Variants in AFAP1L2 observed in about 807,000 individuals in gnomAD.
AFAP1L2 encodes the protein actin filament associated protein 1 like 2.
AFAP1L2 carries 46 observed loss-of-function variants against 99.3 expected under a neutral mutation model. The observed-to-expected ratio is 0.46, with a 90% confidence interval of 0.37 to 0.59. The LOEUF (loss-of-function observed/expected upper bound fraction) is 0.59. AFAP1L2 is among the 20% of genes least tolerant of loss of function. The pLI, the probability that AFAP1L2 is intolerant of heterozygous loss-of-function variation, is 0.00. For missense variants in AFAP1L2, 959 were observed against 1,034.9 expected, an observed-to-expected ratio of 0.93 and a Z score of 1.01; for synonymous variants, 397 against 419.1, an observed-to-expected ratio of 0.95 and a Z score of 0.64.
At chr10:114,364,320 A>C (rs933155351) in intron 1 of AFAP1L2, among the ~76,000 whole-genome samples, 2 of 152,196 alleles carry the variant, frequency 1.3e-5, no homozygotes, top group Non-Finnish European at 2.9e-5. Context: ...TTAAAACAAC[A>C]GATGTTTATT....
intron 2 of AFAP1L2, among the ~76,000 whole-genome samples, chr10:114,338,514 G>C (rs2048320861): frequency 6.6e-6 from 1 of 152,192 alleles, no homozygotes; most frequent in Admixed American, 6.5e-5. Context: ...CTTCGTAATA[G>C]TTCAAATCTG....
At chr10:114,378,198 C>T (rs1590717532) in intron 1 of AFAP1L2, among the ~76,000 whole-genome samples, 1 of 152,340 alleles carries the variant, frequency 6.6e-6, no homozygotes, top group African/African-American at 2.4e-5. Flanking sequence ...TTCTTTTCCG[C>T]TTCAATGCTA....
chr10:114,384,524 C>A (rs1012431124), intron 1 of AFAP1L2, among the ~76,000 whole-genome samples: 1 of 152,184 alleles, frequency 6.6e-6, no homozygotes, highest in Admixed American at 6.5e-5. Flanking sequence ...TGTGGCTGAA[C>A]GTTGCCTGGG....
At chr10:114,392,499 C>T (rs902760523) in intron 1 of AFAP1L2, among the ~76,000 whole-genome samples, 2 of 152,150 alleles carry the variant, frequency 1.3e-5, no homozygotes, top group East Asian at 1.9e-4. Flanking sequence ...TAAATTAGGA[C>T]TTTCCCTCCT....
At position 114,325,317 on chromosome 10, in the gene AFAP1L2, G is replaced by A. The variant is rs962945460; in HGVS notation, c.316-2056C>T. Among the ~76,000 whole-genome samples the A allele has an allele frequency of 2.6e-5, 4 of 152,226 alleles. No homozygotes were observed. In the South Asian group the frequency reaches 8.3e-4, roughly 32 times the overall value. On this transcript the variant is annotated intron_variant, in intron 4 of 18. Coordinates refer to ENST00000304129, the MANE Select transcript of AFAP1L2 (RefSeq NM_001001936.3). ...GGGCCCCTCCACAGTCCCAGGGTCT[G>A]CAGGTTGCGCAGTGAGGGCAGTTAA...
chr10:114,340,961 C>T (rs529795308), intron 1 of AFAP1L2: 21 of 578,952 alleles, frequency 3.6e-5, no homozygotes, highest in African/African-American at 1.7e-4. Context: ...GAACAGCCTC[C>T]GCTGAAGTCC....
At chr10:114,335,438 C>G (rs1412041520) in intron 2 of AFAP1L2, among the ~76,000 whole-genome samples, 1 of 151,902 alleles carries the variant, frequency 6.6e-6, no homozygotes, top group African/African-American at 2.4e-5. Flanking sequence ...TGGTGAAACC[C>G]CATCTCTACT....
At chr10:114,340,834 G>T in intron 1 of AFAP1L2, 103 bp from the exon 2 acceptor site, 1 of 1,528,814 alleles carries the variant, frequency 6.5e-7, no homozygotes, top group Non-Finnish European at 9.0e-7. Flanking sequence ...GAACCCTCTG[G>T]TCCCAAGAGG....
At chr10:114,395,628 G>A (rs1422103906) in intron 1 of AFAP1L2, among the ~76,000 whole-genome samples, 1 of 152,180 alleles carries the variant, frequency 6.6e-6, no homozygotes, top group Non-Finnish European at 1.5e-5. Flanking sequence ...AAAAAAACGG[G>A]GGGTGGAGGA....
At chr10:114,380,765 G>A (rs779961138) in intron 1 of AFAP1L2, among the ~76,000 whole-genome samples, 1 of 152,088 alleles carries the variant, frequency 6.6e-6, no homozygotes, top group Non-Finnish European at 1.5e-5. Flanking sequence ...ACTACAATGG[G>A]GTATCCATCT....
intron 1 of AFAP1L2, among the ~76,000 whole-genome samples, chr10:114,357,158 C>T (rs1423235932): frequency 6.6e-6 from 1 of 152,154 alleles, no homozygotes; most frequent in Non-Finnish European, 1.5e-5. Flanking sequence ...CAGAGCATTT[C>T]ATTTGGGGAA....
intron 10 of AFAP1L2, chr10:114,305,141 G>T: frequency 1.9e-6 from 1 of 526,828 alleles, no homozygotes; most frequent in East Asian, 3.4e-5. Flanking sequence ...GCAGATGCAG[G>T]AGGGGACTGG....
downstream of AFAP1L2, among the ~76,000 whole-genome samples, chr10:114,294,387 T>G (rs1321819489): frequency 6.6e-6 from 1 of 152,206 alleles, no homozygotes; most frequent in Non-Finnish European, 1.5e-5. Context: ...AGGCCTCCAT[T>G]TCAGTTCTGC....
the AFAP1L2 span, among the ~76,000 whole-genome samples, chr10:114,287,131 T>C: frequency 6.6e-6 from 1 of 152,234 alleles, no homozygotes; most frequent in Admixed American, 6.5e-5. Context: ...TAGAGAACAC[T>C]GTCCCCACGC....
chr10:114,398,292 A>C (rs1359195709), intron 1 of AFAP1L2, among the ~76,000 whole-genome samples: 1 of 152,246 alleles, frequency 6.6e-6, no homozygotes, highest in African/African-American at 2.4e-5. Context: ...TCTACACATA[A>C]CAAATGAGCA....
Position 114,377,694 on chromosome 10 carries a change from T to C in AFAP1L2, c.16+26746A>G, listed in dbSNP as rs2054991383. On this transcript the variant is annotated intron_variant, in intron 1 of 18. Transcript: ENST00000304129. The surrounding 1 kb of genome is among the most constrained non-coding windows in gnomAD (Gnocchi z 4.0). ...GCTGTCATACTTCAAGATACAAAAA[T>C]GAGCAAGATGCATTTCTGCCCTCAA... 6.6e-6 allele frequency among the ~76,000 whole-genome samples: 1 copy of C among 152,194 alleles called. No homozygotes were observed. Among genetic ancestry groups the C allele is most frequent in the Non-Finnish European group, 1.5e-5 (1 of 68,038 alleles).
chr10:114,320,438 C>T (rs1263627669), intron 5 of AFAP1L2, among the ~76,000 whole-genome samples: 2 of 152,254 alleles, frequency 1.3e-5, no homozygotes, highest in African/African-American at 4.8e-5. Flanking sequence ...CACTGTTTGA[C>T]CAGGCAGGAC....
At chr10:114,289,247 G>A in the AFAP1L2 span, 4 of 1,614,122 alleles carry the variant, frequency 2.5e-6, no homozygotes, top group Admixed American at 3.3e-5. Flanking sequence ...GTCCAGAGGG[G>A]TGCCCGGCCT....
At chr10:114,290,256 C>A (rs1173604884), downstream of AFAP1L2, 5 of 1,550,402 alleles carry the variant, frequency 3.2e-6, no homozygotes, top group East Asian at 7.3e-5. Flanking sequence ...AGCAGCCAGT[C>A]AACCTCTGCA....
Sources: gnomAD v4.1 joint callset for allele counts (sites outside exome capture counted in the v4.1 genomes callset) on GRCh38, gnomAD v4.1.1 for gene constraint, Gnocchi (gnomAD v3.1) non-coding constraint, MANE v1.5 for transcripts, NCBI Gene and HGNC (gene_info 2026-07-23, HGNC 2026-07-21) for gene names.